Variants in MBNL2 observed in about 807,000 individuals in gnomAD.
MBNL2 encodes muscleblind like splicing regulator 2, also known as muscleblind-like protein 2.
In MBNL2, 17 loss-of-function variants were observed where a neutral mutation model predicts 41.9. That is an observed-to-expected ratio of 0.41 (90% CI 0.28 to 0.61). MBNL2 has a LOEUF of 0.61. MBNL2 is among the 20% of genes least tolerant of loss of function. The pLI is 0.35. For synonymous variants in MBNL2, 195 were observed against 182.9 expected, an observed-to-expected ratio of 1.07 and a Z score of -0.53; for missense variants, 336 against 505.6, an observed-to-expected ratio of 0.66 and a Z score of 3.22.
Position 97,268,222 on chromosome 13 carries a change from A to G in MBNL2, c.-604-7410A>G, listed in dbSNP as rs1053450652. The stretch of plus-strand genomic sequence containing the variant: ...TGATTCTCATGTCTCAGCCTCCTGA[A>G]TAGCTGGGATTACAGGCGTGCGCCA... On this transcript the variant is annotated intron_variant, in intron 1 of 8. Coordinates refer to ENST00000679496, the MANE Select transcript of MBNL2 (RefSeq NM_001382683.1). This position sits in a 1 kb window ranked among gnomAD's most constrained non-coding sequence, Gnocchi z 4.6. Among the ~76,000 whole-genome samples, 12 of 152,050 alleles carry G rather than the reference A, an allele frequency of 7.9e-5. No individual in the cohort carries two copies. The highest frequency in any genetic ancestry group is 1.5e-5 in the Non-Finnish European group (1 of 67,998).
chr13:97,291,477 G>A (rs112347461), intron 2 of MBNL2, among the ~76,000 whole-genome samples: 2,905 of 152,118 alleles, frequency 0.019, 110 homozygotes, highest in African/African-American at 0.066. Flanking sequence ...CCCTGACCTC[G>A]TGATCCGCCC....
chr13:97,271,471 CAAA>C (rs199915981), intron 1 of MBNL2, among the ~76,000 whole-genome samples: 1 of 147,134 alleles, frequency 6.8e-6, no homozygotes, highest in Non-Finnish European at 1.5e-5. Flanking sequence ...AAAAACAAAA[CAAA>C]AAAAAACAGG....
chr13:97,181,094 T>C, the MBNL2 span, among the ~76,000 whole-genome samples: 105 of 151,136 alleles, frequency 6.9e-4, no homozygotes, highest in Non-Finnish European at 1.2e-3. Context: ...TCTCTCTCTC[T>C]CCCCCCCACC....
chr13:97,219,847 G>A (rs1377211671), upstream of MBNL2, among the ~76,000 whole-genome samples: 3 of 152,174 alleles, frequency 2.0e-5, no homozygotes, highest in Non-Finnish European at 4.4e-5. Flanking sequence ...GTTTGAAGGG[G>A]TCAAGAATAT....
At chr13:97,179,349 A>C in the MBNL2 span, 1 of 152,148 alleles carries the variant, frequency 6.6e-6, no homozygotes, top group East Asian at 1.9e-4. Context: ...CTGACTCTCT[A>C]TTTTCCTCTA....
At chr13:97,359,991 C>T (rs988419439) in intron 7 of MBNL2, among the ~76,000 whole-genome samples, 2 of 151,868 alleles carry the variant, frequency 1.3e-5, no homozygotes, top group Non-Finnish European at 2.9e-5. Context: ...TCTTATAAAC[C>T]CATTTTCAAC....
chr13:97,253,939 C>T (rs1341626191), intron 1 of MBNL2, among the ~76,000 whole-genome samples: 2 of 151,974 alleles, frequency 1.3e-5, no homozygotes, highest in South Asian at 2.1e-4. Flanking sequence ...CTCTGTTGCC[C>T]AGTACAGTGG....
At chr13:97,144,167 G>T in the MBNL2 span, among the ~76,000 whole-genome samples, 1 of 151,920 alleles carries the variant, frequency 6.6e-6, no homozygotes, top group Admixed American at 6.6e-5. Context: ...TATTGATGTG[G>T]TGCCACGTGG....
the MBNL2 span, among the ~76,000 whole-genome samples, chr13:97,152,543 C>A: frequency 6.6e-6 from 1 of 152,128 alleles, no homozygotes; most frequent in African/African-American, 2.4e-5. Flanking sequence ...ATAAAGCTTT[C>A]AGAAAGTAAA....
At chr13:97,166,791 GATAGATA>G in the MBNL2 span, among the ~76,000 whole-genome samples, 1 of 72,132 alleles carries the variant, frequency 1.4e-5, no homozygotes, top group Admixed American at 1.3e-4. Flanking sequence ...TTGATAGATA[GATAGATA>G]GATAGATAGA....
intron 8 of MBNL2, among the ~76,000 whole-genome samples, chr13:97,382,717 G>A (rs1385189015): frequency 2.2e-5 from 3 of 138,822 alleles, no homozygotes; most frequent in Admixed American, 1.6e-4. Context: ...CTCTGTCACC[G>A]AGGCTGGAGT....
upstream of MBNL2, among the ~76,000 whole-genome samples, chr13:97,218,389 G>A (rs1286850775): frequency 2.8e-5 from 4 of 140,834 alleles, no homozygotes; most frequent in Admixed American, 7.6e-5. Context: ...CAGCCTGGGC[G>A]ACAGAGCGAG....
intron 1 of MBNL2, among the ~76,000 whole-genome samples, chr13:97,252,884 T>C (rs2046838118): frequency 6.6e-6 from 1 of 152,218 alleles, no homozygotes; most frequent in African/African-American, 2.4e-5. Flanking sequence ...TGTTAATGCA[T>C]TGGCTGCACC....
At chr13:97,187,714 T>C in the MBNL2 span, among the ~76,000 whole-genome samples, 1 of 150,328 alleles carries the variant, frequency 6.7e-6, no homozygotes, top group African/African-American at 2.4e-5. Context: ...GAGACCATCC[T>C]GGCTAACACA....
rs1255003790 is a variant in MBNL2 at position 97,262,672 on chromosome 13, C to T, written c.-604-12960C>T. ...GATCCATGCCCATCACTTCTATACC[C>T]GTTTCTAGCTGCCTTCTGCTTTCTC... On this transcript the variant is annotated intron_variant, in intron 1 of 8. Transcript: ENST00000679496. Among the ~76,000 whole-genome samples the T allele has an allele frequency of 3.3e-5, 5 of 152,176 alleles. No individual in the cohort carries two copies. The South Asian group carries it at 8.3e-4, about 25-fold the overall frequency.
chr13:97,178,017 G>C, the MBNL2 span, among the ~76,000 whole-genome samples: 1 of 152,186 alleles, frequency 6.6e-6, no homozygotes, highest in Admixed American at 6.5e-5. Flanking sequence ...TCTTGGAAAA[G>C]CTCCTGGAGA....
the MBNL2 span, among the ~76,000 whole-genome samples, chr13:97,173,768 G>A: frequency 6.6e-6 from 1 of 152,116 alleles, no homozygotes; most frequent in Non-Finnish European, 1.5e-5. Flanking sequence ...CCACATGCTA[G>A]CTAACCCATC....
At chr13:97,155,462 C>A in the MBNL2 span, among the ~76,000 whole-genome samples, 1 of 148,712 alleles carries the variant, frequency 6.7e-6, no homozygotes, top group Non-Finnish European at 1.5e-5. Context: ...TAGTTACATA[C>A]GTATACATGT....
chr13:97,297,067 C>T (rs1446211922), intron 2 of MBNL2, among the ~76,000 whole-genome samples: 1 of 152,210 alleles, frequency 6.6e-6, no homozygotes, highest in Non-Finnish European at 1.5e-5. Context: ...AAGAGAGTTA[C>T]TATTTGAAGG....
Sources: gnomAD v4.1 joint callset for allele counts (sites outside exome capture counted in the v4.1 genomes callset) on GRCh38, gnomAD v4.1.1 for gene constraint, Gnocchi (gnomAD v3.1) non-coding constraint, MANE v1.5 for transcripts, NCBI Gene and HGNC (gene_info 2026-07-23, HGNC 2026-07-21) for gene names.